HTN1: variants seen among roughly 807,000 people sequenced by gnomAD.
HTN1 encodes histatin-1.
Under a neutral mutation model 11.2 loss-of-function variants are expected in HTN1, and 18 were observed. The observed-to-expected ratio is 1.61, with a 90% CI of 1.12 to 2.39. The LOEUF (loss-of-function observed/expected upper bound fraction) is 2.39, where lower values mean the gene tolerates loss of function less well. Ranked by LOEUF, HTN1 falls within the 30% of genes most tolerant of loss-of-function variation. The pLI, the probability that HTN1 is intolerant of heterozygous loss-of-function variation, is 0.00. For synonymous variants in HTN1, 21 were observed against 20.5 expected, an observed-to-expected ratio of 1.02 and a Z score of -0.07; for missense variants, 80 against 67.2, an observed-to-expected ratio of 1.19 and a Z score of -0.67.
chr4:70,056,493 A>G (rs1385909722), intron 5 of HTN1: 1 of 152,142 alleles, frequency 6.6e-6, no homozygotes, highest in Non-Finnish European at 1.5e-5. Context: ...CTTCATGTAA[A>G]AAAATGCCAA....
At chr4:70,051,442 A>G (rs1725890691) in intron 1 of HTN1, among the ~76,000 whole-genome samples, 1 of 152,120 alleles carries the variant, frequency 6.6e-6, no homozygotes, top group South Asian at 2.1e-4. Flanking sequence ...TATGTTTTTC[A>G]TAACCATTAA....
At chr4:70,057,853 T>C (rs1240839043) in intron 5 of HTN1, 2 of 152,146 alleles carry the variant, frequency 1.3e-5, no homozygotes, top group Non-Finnish European at 2.9e-5. Context: ...AACCACCATC[T>C]GGGAACTCAT....
At chr4:70,052,204 G>A (rs553064361) in intron 1 of HTN1, among the ~76,000 whole-genome samples, 6 of 151,956 alleles carry the variant, frequency 3.9e-5, no homozygotes, top group East Asian at 1.9e-4. Context: ...TTTATTTTTC[G>A]CTACCCAATA....
In HTN1 at chr4:70,053,137, T is replaced by C; in HGVS notation, c.51+10T>C. ...CATGATTTCCATGATTGTAAGTATATCTGGAAATTTTAAATACTACATTCT... is the reference window on the plus strand; with the variant it reads ...CATGATTTCCATGATTGTAAGTATACCTGGAAATTTTAAATACTACATTCT... On this transcript the variant is annotated intron_variant, in intron 2 of 5. Transcript: ENST00000246896. 6.3e-7 allele frequency: 1 copy of C among 1,576,628 alleles called. No homozygotes were observed. The highest frequency in any genetic ancestry group is 8.7e-7 in the Non-Finnish European group (1 of 1,146,550).
chr4:70,052,249 G>A (rs1399016258), intron 1 of HTN1, among the ~76,000 whole-genome samples: 1 of 152,110 alleles, frequency 6.6e-6, no homozygotes, highest in East Asian at 1.9e-4. Flanking sequence ...TACACCATCT[G>A]TGGATTCTGT....
rs191478755 is a variant in HTN1 at position 70,052,375 on chromosome 4, T to C, written c.-13-689T>C. Among the ~76,000 whole-genome samples, 153 of 152,296 alleles carry C rather than the reference T, an allele frequency of 1.0e-3. 1 individual carries two copies. Among genetic ancestry groups the C allele is most frequent in the Middle Eastern group, 3.4e-3 (1 of 294 alleles). ...ACCTTAATTAGCATTCTTAATGTCA[T>C]TATATAAGTCCCCTGTAGTGTCACA... On this transcript the variant is annotated intron_variant, in intron 1 of 5. Coordinates refer to ENST00000246896, the MANE Select transcript of HTN1 (RefSeq NM_002159.4).
chr4:70,057,789 T>A lies in HTN1; in HGVS notation c.*34-791T>A, dbSNP rs866940465. On this transcript the variant is annotated intron_variant, in intron 5 of 5. Coordinates refer to ENST00000246896, the MANE Select transcript of HTN1 (RefSeq NM_002159.4). ...GCTTCTCTGCCACTAACACTGTACA[T>A]GGATGTTATTTGAAGTTTTCTGTCC... is the stretch of plus-strand genomic sequence containing the variant. The A allele has an allele frequency of 4.6e-5, 7 of 152,196 alleles. 1 individual carries two copies. Among genetic ancestry groups the A allele is most frequent in the Middle Eastern group, 6.3e-3 (2 of 316 alleles). The allele number at this position is 152,196 out of a possible 1,614,324, so 9.4% of individuals were successfully genotyped here.
chr4:70,055,362 GA>G (rs750543129), intron 4 of HTN1, 135 bp from the exon 5 acceptor site: 7 of 657,218 alleles, frequency 1.1e-5, no homozygotes, highest in Non-Finnish European at 1.6e-5. Context: ...GTAAAAGTTT[GA>G]AAACATTTAT....
intron 4 of HTN1, among the ~76,000 whole-genome samples, chr4:70,054,902 C>T (rs1725993439): frequency 6.6e-6 from 1 of 151,948 alleles, no homozygotes; most frequent in Non-Finnish European, 1.5e-5. Context: ...ACATTTTTCT[C>T]ACTGTATGTA....
intron 5 of HTN1, 38 bp downstream of exon 5, chr4:70,055,640 C>A: frequency 3.3e-6 from 3 of 913,372 alleles, no homozygotes; most frequent in Admixed American, 2.2e-5. Context: ...CTAGAAGTGT[C>A]AACACTGACA....
At chr4:70,055,251 A>G (rs566463131) in intron 4 of HTN1, among the ~76,000 whole-genome samples, 2 of 152,192 alleles carry the variant, frequency 1.3e-5, no homozygotes, top group East Asian at 3.9e-4. Flanking sequence ...ACCTATAATC[A>G]GTGTTTCCAC....
intron 4 of HTN1, among the ~76,000 whole-genome samples, 161 bp from the exon 5 acceptor site, chr4:70,055,337 A>G (rs1249327690): frequency 6.6e-6 from 1 of 152,062 alleles, no homozygotes; most frequent in African/African-American, 2.4e-5. Context: ...CATTTTTCTG[A>G]TAAAAAAGAA....
chr4:70,056,147 G>A (rs1297294871), intron 5 of HTN1: 3 of 152,082 alleles, frequency 2.0e-5, no homozygotes, highest in Non-Finnish European at 4.4e-5. Context: ...TCTCCTTGAA[G>A]AGGTCCTTCA....
At chr4:70,051,787 G>A (rs1202144555) in intron 1 of HTN1, among the ~76,000 whole-genome samples, 2 of 152,030 alleles carry the variant, frequency 1.3e-5, no homozygotes, top group Non-Finnish European at 2.9e-5. Context: ...GGCTGTTTAA[G>A]AGCAGGACAT....
At chr4:70,054,283 T>C (rs1725975384) in intron 2 of HTN1, 39 bp from the exon 3 acceptor site, 1 of 1,224,600 alleles carries the variant, frequency 8.2e-7, no homozygotes, top group Non-Finnish European at 1.1e-6. Context: ...ATTATAAAAT[T>C]AAAATATTAA....
intron 5 of HTN1, chr4:70,056,776 A>C (rs534799974): frequency 6.6e-6 from 1 of 152,278 alleles, no homozygotes; most frequent in South Asian, 2.1e-4. Flanking sequence ...GCCAACAAAC[A>C]AGAAAAAAAG....
chr4:70,056,369 C>T (rs878891860), intron 5 of HTN1: 2 of 152,020 alleles, frequency 1.3e-5, no homozygotes, highest in Non-Finnish European at 2.9e-5. Flanking sequence ...CTTCCTTACA[C>T]CTTATACAAA....
At position 70,055,560 on chromosome 4, in the gene HTN1, T is replaced by C. The variant is rs1243364439; in HGVS notation, c.165T>C (p.Tyr55=). The change falls in exon 5 of 6, where the codon TAT becomes TAC. Residue 55 remains tyrosine (Y), a synonymous_variant. Transcript: ENST00000246896. ...FYGDYGSNYL[Y]DN is the part of the protein sequence containing the mutation. Reference sequence around the variant, plus strand: ...GGGACTATGGATCAAATTATCTATATGACAATTGATATCCTTAGTAATCAT... The same window carrying C: ...GGGACTATGGATCAAATTATCTATACGACAATTGATATCCTTAGTAATCAT... 2 of 1,554,252 alleles carry C rather than the reference T, an allele frequency of 1.3e-6. No individual in the cohort carries two copies. Among genetic ancestry groups the C allele is most frequent in the African/African-American group, 1.4e-5 (1 of 73,488 alleles).
chr4:70,051,223 C>A (rs1725884557), intron 1 of HTN1, among the ~76,000 whole-genome samples: 2 of 151,960 alleles, frequency 1.3e-5, no homozygotes. Flanking sequence ...TAAAAATTTA[C>A]TTTCTTCTTA....
Sources: allele counts gnomAD v4.1 joint callset (sites outside exome capture counted in the v4.1 genomes callset), GRCh38; gene constraint gnomAD v4.1.1; transcripts MANE v1.5; gene names NCBI Gene and HGNC (gene_info 2026-07-23, HGNC 2026-07-21).